The following NRG3 variants were observed in gnomAD, a reference collection of about 807,000 sequenced individuals.
NRG3 encodes neuregulin 3, also known as pro-neuregulin-3, membrane-bound isoform.
A neutral mutation model predicts 66.9 loss-of-function variants in NRG3; 31 were observed. That is an observed-to-expected ratio of 0.46 (90% confidence interval 0.35 to 0.63). The LOEUF (loss-of-function observed/expected upper bound fraction) is 0.63. NRG3 is among the 20% of genes least tolerant of loss of function. NRG3 has a pLI of 0.00. For synonymous variants in NRG3, 393 were observed against 359.4 expected (o/e 1.09, Z -1.06); for missense variants, 910 against 878.9 (o/e 1.04, Z -0.45).
intron 1 of NRG3, among the ~76,000 whole-genome samples, chr10:82,012,314 T>C (rs1242961310): frequency 6.6e-6 from 1 of 152,034 alleles, no homozygotes; most frequent in East Asian, 1.9e-4. Context: ...GTCCCTAGGC[T>C]ACAAAGAGCA....
intron 1 of NRG3, among the ~76,000 whole-genome samples, chr10:82,283,756 A>G (rs377205543): frequency 7.2e-5 from 11 of 152,134 alleles, no homozygotes; most frequent in African/African-American, 1.9e-4. Context: ...GTGTTCTACC[A>G]TTTATCACAG....
intron 3 of NRG3, among the ~76,000 whole-genome samples, chr10:82,840,092 G>A (rs1305077641): frequency 1.3e-5 from 2 of 151,996 alleles, no homozygotes; most frequent in Non-Finnish European, 2.9e-5. Flanking sequence ...ACCTATATCT[G>A]TATAAAAAAC....
Position 82,893,089 on chromosome 10 carries a change from A to C in NRG3, c.1054+27652A>C, listed in dbSNP as rs550512122. 1.1e-3 allele frequency among the ~76,000 whole-genome samples: 174 copies of C among 152,320 alleles called. 1 individual carries two copies. The highest frequency in any genetic ancestry group is 3.3e-3 in the African/African-American group (138 of 41,590). On this transcript the variant is annotated intron_variant, in intron 4 of 8. Coordinates refer to ENST00000372141, the MANE Select transcript of NRG3 (RefSeq NM_001010848.4). ...TAATCAAAAATTTAAAAGATTATGT[A>C]TGATATGAAGTGTATAATTAAGCTT...
chr10:82,011,678 T>C (rs1564735785), intron 1 of NRG3, among the ~76,000 whole-genome samples: 1 of 152,006 alleles, frequency 6.6e-6, no homozygotes, highest in African/African-American at 2.4e-5. Flanking sequence ...ATGGGAGAAA[T>C]TGGCCAAAAC....
At chr10:82,981,932 T>C (rs1193568581) in intron 8 of NRG3, among the ~76,000 whole-genome samples, 1 of 152,208 alleles carries the variant, frequency 6.6e-6, no homozygotes, top group Non-Finnish European at 1.5e-5. Context: ...AGCAACTTTA[T>C]ATACTTCTCT....
chr10:82,826,746 T>C (rs1025352015), intron 3 of NRG3, among the ~76,000 whole-genome samples: 1 of 152,084 alleles, frequency 6.6e-6, no homozygotes, highest in African/African-American at 2.4e-5. Context: ...CAACAGACAC[T>C]GGGCCTACTT....
At chr10:82,858,223 G>T (rs2063915151) in intron 3 of NRG3, among the ~76,000 whole-genome samples, 1 of 152,108 alleles carries the variant, frequency 6.6e-6, no homozygotes, top group African/African-American at 2.4e-5. Flanking sequence ...ATATTCTGTG[G>T]ATCCCATGTT....
intron 3 of NRG3, among the ~76,000 whole-genome samples, chr10:82,764,676 A>G (rs1253982702): frequency 6.6e-6 from 1 of 152,150 alleles, no homozygotes; most frequent in African/African-American, 2.4e-5. Context: ...ACACCCAGCC[A>G]GCAAATAAAA....
At chr10:82,015,004 C>T (rs2061724542) in intron 1 of NRG3, among the ~76,000 whole-genome samples, 1 of 152,156 alleles carries the variant, frequency 6.6e-6, no homozygotes, top group African/African-American at 2.4e-5. Flanking sequence ...GTCTCCACTC[C>T]ATAAGCGGGA....
intron 2 of NRG3, among the ~76,000 whole-genome samples, chr10:82,591,698 T>G (rs568661535): frequency 5.2e-4 from 79 of 152,220 alleles, no homozygotes; most frequent in Non-Finnish European, 9.0e-4. Context: ...CCAAGGCCAT[T>G]CAGTAAAGTA....
intron 2 of NRG3, among the ~76,000 whole-genome samples, chr10:82,448,830 GTA>G (rs1052917118): frequency 9.9e-5 from 15 of 151,726 alleles, no homozygotes; most frequent in African/African-American, 3.2e-4. Flanking sequence ...GCAATTATGT[GTA>G]TATATATATT....
At chr10:81,915,512 C>CTTTTTTTTTTTTTTT (rs1845617761) in intron 1 of NRG3, among the ~76,000 whole-genome samples, 1 of 59,414 alleles carries the variant, frequency 1.7e-5, no homozygotes. Flanking sequence ...TTTTTTTTTG[C>CTTTTTTTTTTTTTTT]CAAAACACAA....
intron 1 of NRG3, among the ~76,000 whole-genome samples, chr10:81,921,663 G>T (rs894099444): frequency 1.1e-4 from 16 of 152,164 alleles, no homozygotes; most frequent in African/African-American, 3.8e-4. Flanking sequence ...TTGACTGCTT[G>T]TACATATTTA....
intron 2 of NRG3, among the ~76,000 whole-genome samples, chr10:82,667,948 G>A (rs2052934431): frequency 6.6e-6 from 1 of 152,266 alleles, no homozygotes; most frequent in African/African-American, 2.4e-5. Context: ...AATTTGCTAA[G>A]CAATAGAAAT....
At chr10:82,496,070 G>A (rs960014898) in intron 2 of NRG3, among the ~76,000 whole-genome samples, 7 of 152,142 alleles carry the variant, frequency 4.6e-5, no homozygotes, top group African/African-American at 1.4e-4. Flanking sequence ...CTGACAAGAT[G>A]CCCTCCTGCA....
chr10:81,911,314 G>GAAAGCCTGCTATGGTGC (rs1301411199), intron 1 of NRG3, among the ~76,000 whole-genome samples: 2 of 152,094 alleles, frequency 1.3e-5, no homozygotes, highest in Non-Finnish European at 2.9e-5. Flanking sequence ...ACTACATAGT[G>GAAAGCCTGCTATGGTGC]AAAGCCTGCT....
intron 3 of NRG3, among the ~76,000 whole-genome samples, chr10:82,850,488 C>T (rs1036458570): frequency 6.6e-6 from 1 of 151,250 alleles, no homozygotes. Context: ...GATTCACCAT[C>T]CATCTGTCAA....
In NRG3 at chr10:82,219,771, C is replaced by T. The variant is rs369896104; in HGVS notation, c.824-138968C>T. On this transcript the variant is annotated intron_variant, in intron 1 of 8. Transcript: ENST00000372141. ...AATAGTCTTATTATTCGTAGGTACA[C>T]AATAGTCCAATGCATTAAAATGACT... Among the ~76,000 whole-genome samples the T allele has an allele frequency of 5.3e-5, 8 of 152,006 alleles. No individual in the cohort carries two copies. In the East Asian group the frequency reaches 5.8e-4, roughly 11 times the overall value.
At chr10:82,699,793 G>A (rs12415746) in intron 2 of NRG3, among the ~76,000 whole-genome samples, 33,345 of 151,744 alleles carry the variant, frequency 0.22, 3,815 homozygotes, top group Middle Eastern at 0.34. Context: ...TTCTTCTCCA[G>A]AACACAATAC....
Sources: allele counts gnomAD v4.1 joint callset (sites outside exome capture counted in the v4.1 genomes callset), GRCh38; gene constraint gnomAD v4.1.1; transcripts MANE v1.5; gene names NCBI Gene and HGNC (gene_info 2026-07-23, HGNC 2026-07-21).